ADAM22: variants seen among roughly 807,000 people sequenced by gnomAD.
The protein encoded by ADAM22 is disintegrin and metalloproteinase domain-containing protein 22.
In ADAM22, 65 loss-of-function variants were observed where a neutral mutation model predicts 144.6. That is an observed-to-expected ratio of 0.45 (90% CI 0.37 to 0.55). The LOEUF (loss-of-function observed/expected upper bound fraction) is 0.55. ADAM22 is among the 20% of genes least tolerant of loss of function. ADAM22 has a pLI of 0.00. For synonymous variants in ADAM22, 391 were observed against 412.6 expected, an observed-to-expected ratio of 0.95 and a Z score of 0.63; for missense variants, 974 against 1,184.9, an observed-to-expected ratio of 0.82 and a Z score of 2.61.
At chr7:88,094,642 T>C (rs1820777262) in intron 4 of ADAM22, among the ~76,000 whole-genome samples, 1 of 152,224 alleles carries the variant, frequency 6.6e-6, no homozygotes, top group African/African-American at 2.4e-5. Flanking sequence ...GGAAATTATT[T>C]TCTAACTCTG....
At chr7:88,012,158 A>G (rs1041898857) in intron 3 of ADAM22, among the ~76,000 whole-genome samples, 7 of 151,008 alleles carry the variant, frequency 4.6e-5, no homozygotes, top group Admixed American at 6.6e-5. Context: ...GGCATTCTTC[A>G]TTTCTGTTAA....
chr7:88,186,859 T>G (rs1458445132), intron 30 of ADAM22, among the ~76,000 whole-genome samples, 158 bp downstream of exon 30: 22 of 152,210 alleles, frequency 1.4e-4, no homozygotes, highest in Non-Finnish European at 1.0e-4. Flanking sequence ...TGTTTTTGCT[T>G]CGTGAGCAAG....
chr7:87,978,025 G>C (rs533596707), intron 2 of ADAM22, among the ~76,000 whole-genome samples: 1 of 151,924 alleles, frequency 6.6e-6, no homozygotes, highest in South Asian at 2.1e-4. Context: ...TATTTTAAAG[G>C]AGCTAGTCAC....
chr7:88,182,828 T>G (rs1021395315), intron 29 of ADAM22, among the ~76,000 whole-genome samples: 4 of 152,180 alleles, frequency 2.6e-5, no homozygotes, highest in Non-Finnish European at 5.9e-5. Context: ...GCCACCTGAC[T>G]TTTTTTACCC....
intron 3 of ADAM22, among the ~76,000 whole-genome samples, chr7:88,073,966 A>T (rs1268667476): frequency 6.6e-6 from 1 of 152,204 alleles, no homozygotes; most frequent in Non-Finnish European, 1.5e-5. Context: ...GAGTATCAGC[A>T]GTTGTTAATC....
chr7:87,970,804 T>C (rs1219147845), intron 2 of ADAM22, among the ~76,000 whole-genome samples: 3 of 152,232 alleles, frequency 2.0e-5, no homozygotes, highest in Admixed American at 6.5e-5. Flanking sequence ...GGGGATTGTA[T>C]CATGTTCTTA....
At chr7:88,052,146 A>G (rs1563110134) in intron 3 of ADAM22, among the ~76,000 whole-genome samples, 1 of 152,170 alleles carries the variant, frequency 6.6e-6, no homozygotes, top group East Asian at 1.9e-4. Context: ...CTTTGTAAAC[A>G]TTGGAAGATA....
At chr7:88,072,573 G>A (rs1813114149) in intron 3 of ADAM22, among the ~76,000 whole-genome samples, 2 of 152,194 alleles carry the variant, frequency 1.3e-5, no homozygotes, top group African/African-American at 4.8e-5. Flanking sequence ...TCTGCATTCA[G>A]GGACTTCAGC....
chr7:87,994,200 C>G (rs530321881), intron 3 of ADAM22, among the ~76,000 whole-genome samples: 3 of 149,080 alleles, frequency 2.0e-5, no homozygotes, highest in Non-Finnish European at 4.4e-5. Context: ...CTTGCTCTGT[C>G]GCCCAGGCTG....
At chr7:88,006,468 A>G (rs1029286148) in intron 3 of ADAM22, among the ~76,000 whole-genome samples, 1 of 152,136 alleles carries the variant, frequency 6.6e-6, no homozygotes, top group African/African-American at 2.4e-5. Flanking sequence ...TTGTAGACCA[A>G]TATCCTTGAT....
intron 3 of ADAM22, among the ~76,000 whole-genome samples, chr7:88,001,778 A>G (rs1792629209): frequency 1.3e-5 from 2 of 151,904 alleles, no homozygotes; most frequent in African/African-American, 4.8e-5. Flanking sequence ...TTCTCCTGTT[A>G]CTAGCAGGTG....
chr7:88,180,900 T>G (rs1339654527), intron 27 of ADAM22, among the ~76,000 whole-genome samples: 1 of 152,184 alleles, frequency 6.6e-6, no homozygotes, highest in African/African-American at 2.4e-5. Flanking sequence ...AGAGGCACTG[T>G]CATGATAAAC....
intron 4 of ADAM22, among the ~76,000 whole-genome samples, chr7:88,095,190 C>T (rs1045360152): frequency 3.3e-5 from 5 of 152,146 alleles, no homozygotes; most frequent in African/African-American, 4.8e-5. Flanking sequence ...GGATCACCAG[C>T]GGCAGTTCTT....
Position 88,201,259 on chromosome 7 carries a change from G to A in ADAM22, c.*4768G>A, listed in dbSNP as rs1851184860. 6.6e-6 allele frequency: 1 copy of A among 152,204 alleles called. No individual in the cohort carries two copies. The allele number at this position is 152,204 out of a possible 1,614,324, so 9.4% of individuals were successfully genotyped here. ...TTATATCCCTAGGATGCTCTAGGGA[G>A]TAGAGGTGGCAGGCATCTTTATCTT... On this transcript the variant is annotated 3_prime_UTR_variant, in exon 32 of 32. Transcript: ENST00000413139.
chr7:88,106,067 A>G (rs937074709), intron 4 of ADAM22, among the ~76,000 whole-genome samples: 2 of 151,970 alleles, frequency 1.3e-5, no homozygotes, highest in Admixed American at 6.6e-5. Flanking sequence ...GAAGGCGCCA[A>G]TAGCTCACAT....
rs1436781921 is a variant in ADAM22 at position 88,048,186 on chromosome 7, A to C, written c.324-27440A>C. On this transcript the variant is annotated intron_variant, in intron 3 of 31. Coordinates refer to ENST00000413139, the MANE Select transcript of ADAM22 (RefSeq NM_001324418.2). ...TTTTATAAAAATTTTTACGTTTCAT[A>C]AGTAGATCCCTATGGTATTTTTAAT... 2.6e-5 allele frequency among the ~76,000 whole-genome samples: 4 copies of C among 152,258 alleles called. No homozygotes were observed. The South Asian group carries it at 8.3e-4, about 32-fold the overall frequency.
At chr7:87,993,031 A>T (rs1257408947) in intron 3 of ADAM22, among the ~76,000 whole-genome samples, 2 of 152,222 alleles carry the variant, frequency 1.3e-5, no homozygotes, top group African/African-American at 4.8e-5. Context: ...CGTATCATAT[A>T]GGAGAAGAGA....
intron 2 of ADAM22, among the ~76,000 whole-genome samples, chr7:87,965,319 TG>T (rs746488407): frequency 1.3e-5 from 2 of 152,216 alleles, no homozygotes; most frequent in Non-Finnish European, 2.9e-5. Context: ...GCAGGTACTT[TG>T]CTCTTAGAGT....
chr7:88,004,878 A>T (rs1793416302), intron 3 of ADAM22, among the ~76,000 whole-genome samples: 1 of 152,028 alleles, frequency 6.6e-6, no homozygotes, highest in Admixed American at 6.6e-5. Context: ...TTTCCAAATA[A>T]TTTTTTCTCT....
Sources: gnomAD v4.1 joint callset for allele counts (sites outside exome capture counted in the v4.1 genomes callset) on GRCh38, gnomAD v4.1.1 for gene constraint, MANE v1.5 for transcripts, NCBI Gene and HGNC (gene_info 2026-07-23, HGNC 2026-07-21) for gene names.